Variants in IMMP2L observed in about 807,000 individuals in gnomAD.
IMMP2L encodes inner mitochondrial membrane peptidase subunit 2, also known as mitochondrial inner membrane protease subunit 2.
IMMP2L carries 18 observed loss-of-function variants against 19.3 expected under a neutral mutation model. The observed-to-expected ratio is 0.93, with a 90% confidence interval of 0.64 to 1.38. The LOEUF (loss-of-function observed/expected upper bound fraction) is 1.38. Ranked by LOEUF, IMMP2L falls within the 40% of genes most tolerant of loss-of-function variation. The probability of loss-of-function intolerance (pLI) is 0.00; values close to 1 mark genes in which losing one functional copy is unlikely to be tolerated. For missense variants in IMMP2L, 233 were observed against 218.2 expected, an observed-to-expected ratio of 1.07 and a Z score of -0.43; for synonymous variants, 76 against 73.0, an observed-to-expected ratio of 1.04 and a Z score of -0.21.
intron 3 of IMMP2L, among the ~76,000 whole-genome samples, chr7:111,387,891 A>G (rs754308392): frequency 4.0e-5 from 6 of 148,444 alleles, no homozygotes; most frequent in Admixed American, 2.7e-4. Context: ...CAGGGGAATC[A>G]CCTGAAACCA....
intron 3 of IMMP2L, among the ~76,000 whole-genome samples, chr7:111,434,642 T>C (rs1366246534): frequency 6.6e-6 from 1 of 151,758 alleles, no homozygotes; most frequent in Non-Finnish European, 1.5e-5. Flanking sequence ...ACCTCTTGGA[T>C]TCAAGAGATT....
intron 3 of IMMP2L, among the ~76,000 whole-genome samples, chr7:111,184,403 A>G (rs1808046018): frequency 6.6e-6 from 1 of 152,050 alleles, no homozygotes; most frequent in South Asian, 2.1e-4. Context: ...TCCAAAGTAC[A>G]TATATATTGA....
At chr7:110,995,379 A>T (rs1822923633) in intron 3 of IMMP2L, among the ~76,000 whole-genome samples, 1 of 152,104 alleles carries the variant, frequency 6.6e-6, no homozygotes, top group African/African-American at 2.4e-5. Context: ...TTATTTATTG[A>T]TCATATTTGT....
In IMMP2L at chr7:110,714,620, A is replaced by G. The variant is rs911222857; in HGVS notation, c.409-50899T>C. 1.4e-4 allele frequency among the ~76,000 whole-genome samples: 21 copies of G among 152,052 alleles called. 1 individual carries two copies. The highest frequency in any genetic ancestry group is 1.3e-3 in the Admixed American group (20 of 15,246). On this transcript the variant is annotated intron_variant, in intron 5 of 5. Coordinates refer to ENST00000405709, the MANE Select transcript of IMMP2L (RefSeq NM_032549.4). ...TGTTTGTTTGCTTGTTTGTTTAGGC[A>G]GAGTCTTGCTCTGTCACCCAGGCTG...
intron 5 of IMMP2L, among the ~76,000 whole-genome samples, chr7:110,873,068 G>T (rs1389536515): frequency 6.6e-6 from 1 of 152,152 alleles, no homozygotes; most frequent in East Asian, 1.9e-4. Context: ...TCTCTGCTAG[G>T]TGATTTCTTC....
intron 5 of IMMP2L, among the ~76,000 whole-genome samples, chr7:110,732,337 G>T (rs966966893): frequency 6.6e-6 from 1 of 152,160 alleles, no homozygotes; most frequent in Non-Finnish European, 1.5e-5. Context: ...TGCTTTCAAA[G>T]AAGCTTTCAG....
At chr7:110,921,968 A>C (rs1433154828) in intron 4 of IMMP2L, among the ~76,000 whole-genome samples, 1 of 152,168 alleles carries the variant, frequency 6.6e-6, no homozygotes, top group Non-Finnish European at 1.5e-5. Flanking sequence ...AGTGTACTGC[A>C]AAGAGCTTGC....
intron 3 of IMMP2L, among the ~76,000 whole-genome samples, chr7:111,384,690 T>C (rs1563127600): frequency 6.6e-6 from 1 of 152,096 alleles, no homozygotes; most frequent in East Asian, 1.9e-4. Flanking sequence ...GCAAAAAATA[T>C]GATTCATAAA....
At chr7:110,664,114 A>G (rs559115954) in intron 5 of IMMP2L, among the ~76,000 whole-genome samples, 1 of 152,242 alleles carries the variant, frequency 6.6e-6, no homozygotes, top group Admixed American at 6.5e-5. Flanking sequence ...CTTAACCATT[A>G]GCCTCAAGAG....
chr7:110,701,077 A>G (rs1794255180), intron 5 of IMMP2L, among the ~76,000 whole-genome samples: 1 of 152,208 alleles, frequency 6.6e-6, no homozygotes, highest in Admixed American at 6.5e-5. Context: ...TTGTACACAT[A>G]TTTTACACAT....
intron 3 of IMMP2L, among the ~76,000 whole-genome samples, chr7:111,058,786 A>T (rs575143042): frequency 6.6e-6 from 1 of 152,308 alleles, no homozygotes; most frequent in East Asian, 1.9e-4. Context: ...CAAATGACCC[A>T]GCCTTTACTG....
chr7:111,143,784 C>A (rs762644608), intron 3 of IMMP2L, among the ~76,000 whole-genome samples: 1 of 152,070 alleles, frequency 6.6e-6, no homozygotes, highest in Admixed American at 6.6e-5. Flanking sequence ...GTGCTATCTA[C>A]GTGAGAAAAT....
intron 3 of IMMP2L, among the ~76,000 whole-genome samples, chr7:111,420,853 G>A (rs771329421): frequency 6.6e-6 from 1 of 151,728 alleles, no homozygotes; most frequent in Non-Finnish European, 1.5e-5. Flanking sequence ...TGTGAATAGT[G>A]CTGCAATAAA....
intron 5 of IMMP2L, among the ~76,000 whole-genome samples, chr7:110,876,506 C>T (rs1256215015): frequency 2.6e-5 from 4 of 152,074 alleles, no homozygotes; most frequent in Non-Finnish European, 5.9e-5. Context: ...GACTGCTGCT[C>T]GTGCTTAATT....
chr7:110,751,162 A>G (rs1220366078), intron 5 of IMMP2L, among the ~76,000 whole-genome samples: 2 of 151,866 alleles, frequency 1.3e-5, no homozygotes, highest in East Asian at 3.9e-4. Context: ...CCTCACTAAG[A>G]GACTTAAAAA....
intron 3 of IMMP2L, among the ~76,000 whole-genome samples, chr7:111,378,287 G>A (rs1830875950): frequency 6.6e-6 from 1 of 151,810 alleles, no homozygotes; most frequent in South Asian, 2.1e-4. Context: ...CTGATATGTG[G>A]ATTGTATTGG....
chr7:111,548,904 T>C (rs377520650), intron 1 of IMMP2L, among the ~76,000 whole-genome samples: 2 of 152,198 alleles, frequency 1.3e-5, no homozygotes, highest in African/African-American at 4.8e-5. Context: ...CAGGAAATAA[T>C]GTGTCTCTGA....
intron 3 of IMMP2L, among the ~76,000 whole-genome samples, chr7:110,974,130 A>G (rs1395237781): frequency 6.6e-6 from 1 of 152,156 alleles, no homozygotes; most frequent in Admixed American, 6.6e-5. Flanking sequence ...AACTGGTCTT[A>G]AATGCCTGTG....
At chr7:111,539,132 A>AAAGAAAAGGAAGGAAGGAAGG (rs1554542570) in intron 1 of IMMP2L, among the ~76,000 whole-genome samples, 1 of 61,584 alleles carries the variant, frequency 1.6e-5, no homozygotes, top group African/African-American at 6.5e-5. Context: ...AAAGAAAAGA[A>AAAGAAAAGGAAGGAAGGAAGG]AAGGAAGGAA....
Sources: allele counts gnomAD v4.1 joint callset (sites outside exome capture counted in the v4.1 genomes callset), GRCh38; gene constraint gnomAD v4.1.1; transcripts MANE v1.5; gene names NCBI Gene and HGNC (gene_info 2026-07-23, HGNC 2026-07-21).